The following CCDC146 variants were observed in gnomAD, a reference collection of about 807,000 sequenced individuals.
The protein encoded by CCDC146 is coiled-coil domain-containing protein 146.
Under a neutral mutation model 119.3 loss-of-function variants are expected in CCDC146, and 92 were observed. The ratio of observed to expected loss-of-function variants is 0.77; its 90% CI spans 0.65 to 0.92. The LOEUF (loss-of-function observed/expected upper bound fraction) is 0.92. CCDC146 is among the 40% of genes least tolerant of loss of function. The pLI is 0.00. For missense variants in CCDC146, 1,000 were observed against 1,103.0 expected (o/e 0.91, Z 1.32); for synonymous variants, 372 against 371.8 (o/e 1.00, Z -0.01).
chr7:77,216,750 G>T (rs1190952025), intron 2 of CCDC146, among the ~76,000 whole-genome samples: 1 of 152,106 alleles, frequency 6.6e-6, no homozygotes, highest in Non-Finnish European at 1.5e-5. Context: ...GGGAAAAGTT[G>T]TTCAGAATTT....
At chr7:77,292,478 A>G (rs1160666038) in intron 17 of CCDC146, among the ~76,000 whole-genome samples, 1 of 151,476 alleles carries the variant, frequency 6.6e-6, no homozygotes, top group African/African-American at 2.4e-5. Flanking sequence ...TTAGCCGGGT[A>G]TGGTGTTGGG....
In CCDC146 at chr7:77,286,918, T is replaced by C. The variant is rs2150553497; in HGVS notation, c.2269T>C (p.Leu757=). Residue 757 remains leucine (L), a synonymous_variant, in exon 16 of 19, where the codon TTA becomes CTA. Transcript: ENST00000285871. ...DLTEKEMIQK[L]DKLELQLAKK... The stretch of plus-strand genomic sequence containing the variant: ...GACCGAAAAAGAAATGATCCAAAAA[T>C]TAGACAAGGTAAACATTATTGCTTA... 2.5e-6 allele frequency: 4 copies of C among 1,614,072 alleles called. No individual in the cohort carries two copies. In the East Asian group the frequency reaches 8.9e-5, roughly 36 times the overall value.
intron 2 of CCDC146, among the ~76,000 whole-genome samples, chr7:77,217,560 T>G (rs200636498): frequency 0.022 from 2,977 of 137,540 alleles, 33 homozygotes; most frequent in Non-Finnish European, 0.023. Flanking sequence ...CATATATATA[T>G]ATAGAGAGAG....
At chr7:77,245,445 C>A (rs553085628) in intron 4 of CCDC146, among the ~76,000 whole-genome samples, 1 of 152,294 alleles carries the variant, frequency 6.6e-6, no homozygotes, top group East Asian at 1.9e-4. Flanking sequence ...ACAGCAAATA[C>A]GTTGCGTCTT....
In CCDC146 at chr7:77,293,121, A is replaced by AT; in HGVS notation, c.2586dup (p.Lys863Ter). 6.2e-7 allele frequency: 1 copy of AT among 1,614,208 alleles called. No homozygotes were observed. Among genetic ancestry groups the AT allele is most frequent in the Non-Finnish European group, 8.5e-7 (1 of 1,180,028 alleles). ...AGGATAGAAAAAGGTCTGCCACTCAATAAGGAAATTGAGAAAGAATGGTTG... is the reference window on the plus strand; with the variant it reads ...AGGATAGAAAAAGGTCTGCCACTCAATTAAGGAAATTGAGAAAGAATGGTTG... On this transcript the variant is annotated frameshift_variant, in exon 18 of 19. Transcript: ENST00000285871. LOFTEE classifies it high-confidence loss of function.
At chr7:77,203,728 G>C (rs971886467) in intron 2 of CCDC146, among the ~76,000 whole-genome samples, 2 of 152,102 alleles carry the variant, frequency 1.3e-5, no homozygotes, top group African/African-American at 2.4e-5. Flanking sequence ...TCCTCATGGC[G>C]GTGTCAGAAT....
chr7:77,200,241 TTAGAATGGGGCA>T, intron 2 of CCDC146, among the ~76,000 whole-genome samples: 1 of 152,342 alleles, frequency 6.6e-6, no homozygotes, highest in South Asian at 2.1e-4. Flanking sequence ...TTTTTCCTTC[TTAGAATGGGGCA>T]TTGGGGAGCC....
chr7:77,185,876 C>A (rs1037223147), intron 2 of CCDC146, among the ~76,000 whole-genome samples: 1 of 152,090 alleles, frequency 6.6e-6, no homozygotes, highest in African/African-American at 2.4e-5. Context: ...ATCAGATTAA[C>A]AAAGAGATTG....
At chr7:77,270,790 C>G (rs777472724) in intron 9 of CCDC146, among the ~76,000 whole-genome samples, 1 of 152,154 alleles carries the variant, frequency 6.6e-6, no homozygotes, top group Non-Finnish European at 1.5e-5. Flanking sequence ...TTTCAGTCAA[C>G]CTTAGTGTGT....
At chr7:77,203,045 C>CA (rs1554351630) in intron 2 of CCDC146, among the ~76,000 whole-genome samples, 1 of 95,508 alleles carries the variant, frequency 1.0e-5, no homozygotes, top group Non-Finnish European at 2.1e-5. Flanking sequence ...CCCCCCCCCC[C>CA]AGGACTATTT....
intron 17 of CCDC146, 94 bp downstream of exon 17, chr7:77,287,671 GA>G (rs1793873579): frequency 7.3e-7 from 1 of 1,363,132 alleles, no homozygotes; most frequent in South Asian, 1.4e-5. Context: ...AGAAGCACTG[GA>G]GAGATTAGGC....
chr7:77,183,559 T>C (rs1791620876), intron 2 of CCDC146, among the ~76,000 whole-genome samples: 1 of 152,188 alleles, frequency 6.6e-6, no homozygotes, highest in Non-Finnish European at 1.5e-5. Context: ...CCTGCTGATG[T>C]CTTTGCCCAT....
At chr7:77,149,506 C>G (rs181851825) in intron 1 of CCDC146, among the ~76,000 whole-genome samples, 65 of 152,216 alleles carry the variant, frequency 4.3e-4, no homozygotes, top group African/African-American at 1.3e-3. Context: ...TGGCTCATGT[C>G]TGTAATCCCA....
Position 77,287,699 on chromosome 7 carries a change from C to G in CCDC146, c.2415+122C>G, listed in dbSNP as rs113627613. On this transcript the variant is annotated intron_variant, in intron 17 of 18. Transcript: ENST00000285871. ...AGATTAGGCTTTATGACTAGGGGAA[C>G]TTAGAAAAACGAAAGGATGACTCAG... 2.0e-4 allele frequency: 203 copies of G among 995,140 alleles called. No individual in the cohort carries two copies. The African/African-American group carries it at 2.9e-3, about 14-fold the overall frequency. The allele number at this position is 995,140 out of a possible 1,614,324, so 61.6% of individuals were successfully genotyped here.
rs538035729 is a variant in CCDC146 at position 77,147,595 on chromosome 7, A to T, written c.-11-20063A>T. ...ACGTACAGATGGGGTTTTTGTGTGG[A>T]TGTCCTTTCTGTTTGTTAGTTTTCC... is the stretch of plus-strand genomic sequence containing the variant. On this transcript the variant is annotated intron_variant, in intron 1 of 18. Transcript: ENST00000285871. Among the ~76,000 whole-genome samples the T allele has an allele frequency of 2.6e-5, 4 of 152,084 alleles. 1 individual carries two copies. In the South Asian group the frequency reaches 6.2e-4, roughly 24 times the overall value.
At chr7:77,201,914 TAAAAAA>T (rs3834746) in intron 2 of CCDC146, among the ~76,000 whole-genome samples, 1 of 144,250 alleles carries the variant, frequency 6.9e-6, no homozygotes, top group Non-Finnish European at 1.6e-5. Context: ...ACAACATAGA[TAAAAAA>T]AAAAACCATT....
Position 77,196,415 on chromosome 7 carries a change from TG to T in CCDC146, c.156+28592del. 6.2e-7 allele frequency: 1 copy of T among 1,614,040 alleles called. No homozygotes were observed. The highest frequency in any genetic ancestry group is 2.2e-5 in the East Asian group (1 of 44,856). On this transcript the variant is annotated intron_variant, in intron 2 of 18. Coordinates refer to ENST00000285871, the MANE Select transcript of CCDC146 (RefSeq NM_020879.3). The surrounding 1 kb of genome is among the most constrained non-coding windows in gnomAD (Gnocchi z 4.2). ...ATTACGGACACCTCTGTATTTTTGG[TG>T]ATAATATTTGCCATTTAAGTTTGCA...
chr7:77,178,694 A>T lies in CCDC146; in HGVS notation c.156+10870A>T, dbSNP rs188480068. 2.6e-5 allele frequency among the ~76,000 whole-genome samples: 4 copies of T among 152,350 alleles called. No homozygotes were observed. The East Asian group carries it at 7.7e-4, about 29-fold the overall frequency. On this transcript the variant is annotated intron_variant, in intron 2 of 18. Transcript: ENST00000285871. ...ACTTGATTAAATATTAAAAATAATGATCTAAACTTTGATACTGGCTTTCTA... is the reference window on the plus strand; with the variant it reads ...ACTTGATTAAATATTAAAAATAATGTTCTAAACTTTGATACTGGCTTTCTA...
intron 4 of CCDC146, among the ~76,000 whole-genome samples, chr7:77,252,451 C>T (rs556027039): frequency 2.6e-5 from 4 of 152,162 alleles, no homozygotes; most frequent in Admixed American, 6.5e-5. Flanking sequence ...TCAAGAATGA[C>T]GCTCATGTTT....
Sources: gnomAD v4.1 joint callset for allele counts (sites outside exome capture counted in the v4.1 genomes callset) on GRCh38, gnomAD v4.1.1 for gene constraint, Gnocchi (gnomAD v3.1) non-coding constraint, MANE v1.5 for transcripts, NCBI Gene and HGNC (gene_info 2026-07-23, HGNC 2026-07-21) for gene names.